The following SMCO4 variants were observed in gnomAD, a reference collection of about 807,000 sequenced individuals.
SMCO4 encodes single-pass membrane protein with coiled-coil domains 4.
In SMCO4, 4 loss-of-function variants were observed where a neutral mutation model predicts 3.6. The observed-to-expected ratio is 1.11, with a 90% CI of 0.54 to 2.53. SMCO4 has a LOEUF of 2.53. Among genes scored for constraint, SMCO4 ranks in the 30% most tolerant of loss-of-function variants. The pLI is 0.02. For synonymous variants in SMCO4, 36 were observed against 35.3 expected (o/e 1.02, Z -0.07); for missense variants, 70 against 80.8 (o/e 0.87, Z 0.51).
intron 1 of SMCO4, among the ~76,000 whole-genome samples, chr11:93,521,066 A>C (rs1039758899): frequency 3.9e-5 from 6 of 152,222 alleles, no homozygotes; most frequent in Non-Finnish European, 8.8e-5. Context: ...CTTTCCTAAG[A>C]AATGTCATTT....
At chr11:93,548,621 C>T in the SMCO4 span, among the ~76,000 whole-genome samples, 1 of 152,164 alleles carries the variant, frequency 6.6e-6, no homozygotes, top group Non-Finnish European at 1.5e-5. Flanking sequence ...GGAGCTGGGC[C>T]TTGGTTCTGT....
chr11:93,548,580 C>G, the SMCO4 span, among the ~76,000 whole-genome samples: 1 of 152,152 alleles, frequency 6.6e-6, no homozygotes, highest in Non-Finnish European at 1.5e-5. Context: ...ACTTCACTGC[C>G]AGAATCACAT....
chr11:93,496,530 T>G (rs1948774472), intron 2 of SMCO4, among the ~76,000 whole-genome samples: 1 of 151,642 alleles, frequency 6.6e-6, no homozygotes, highest in African/African-American at 2.4e-5. Context: ...CCATAAAGGG[T>G]GTAAGAATGC....
chr11:93,530,140 T>C (rs1475350088), intron 1 of SMCO4, among the ~76,000 whole-genome samples: 1 of 152,206 alleles, frequency 6.6e-6, no homozygotes, highest in Non-Finnish European at 1.5e-5. Flanking sequence ...GACCTTGGCA[T>C]TTTCTAAATC....
At chr11:93,479,294 T>G (rs1427619904) in intron 2 of SMCO4, 25 bp from the exon 3 acceptor site, 1 of 1,480,522 alleles carries the variant, frequency 6.8e-7, no homozygotes, top group Non-Finnish European at 9.0e-7. Flanking sequence ...ACTGTGATAG[T>G]AGAGAATAAA....
At chr11:93,481,807 G>T (rs1353026451) in intron 2 of SMCO4, among the ~76,000 whole-genome samples, 1 of 152,214 alleles carries the variant, frequency 6.6e-6, no homozygotes, top group Non-Finnish European at 1.5e-5. Flanking sequence ...GGAGCTAATG[G>T]CCTGTCGGAG....
At chr11:93,533,632 G>A (rs1250644710) in intron 1 of SMCO4, among the ~76,000 whole-genome samples, 1 of 152,080 alleles carries the variant, frequency 6.6e-6, no homozygotes, top group African/African-American at 2.4e-5. Flanking sequence ...AAAGAGAAAA[G>A]GCCTCTGCGT....
At chr11:93,541,001 G>A (rs1004819510) in intron 1 of SMCO4, among the ~76,000 whole-genome samples, 1 of 152,212 alleles carries the variant, frequency 6.6e-6, no homozygotes, top group Non-Finnish European at 1.5e-5. Flanking sequence ...TGACAAAAAA[G>A]GATTACTGAA....
At chr11:93,515,077 T>C (rs1410160655) in intron 1 of SMCO4, among the ~76,000 whole-genome samples, 1 of 152,200 alleles carries the variant, frequency 6.6e-6, no homozygotes, top group African/African-American at 2.4e-5. Flanking sequence ...CTGGAGGCAA[T>C]ACTCTCTGCT....
intron 1 of SMCO4, among the ~76,000 whole-genome samples, chr11:93,532,713 C>T (rs1949174924): frequency 6.6e-6 from 1 of 152,278 alleles, no homozygotes; most frequent in Non-Finnish European, 1.5e-5. Flanking sequence ...GCCAAGAATA[C>T]CAAGGACGGC....
At chr11:93,527,878 T>C (rs1949124409) in intron 1 of SMCO4, among the ~76,000 whole-genome samples, 1 of 152,032 alleles carries the variant, frequency 6.6e-6, no homozygotes, top group Non-Finnish European at 1.5e-5. Flanking sequence ...TGGGTTCAGG[T>C]GATCTTCCCA....
intron 1 of SMCO4, among the ~76,000 whole-genome samples, chr11:93,534,345 T>C (rs77666013): frequency 2.1e-5 from 3 of 140,976 alleles, no homozygotes; most frequent in Non-Finnish European, 4.6e-5. Context: ...TATACACATA[T>C]ATATACACAT....
Position 93,479,085 on chromosome 11 carries a change from C to G in SMCO4, c.105G>C (p.Leu35=). The change falls in exon 3 of 3, where the codon CTG becomes CTC. Residue 35 remains leucine (L), a synonymous_variant. Transcript: ENST00000298966. ...EARQQITTVV[L]PTLAVVVLLI... ...AGAGCACGACCACGGCCAGCGTGGG[C>G]AGCACCACTGTAGTGATCTGCTGCC... The G allele has an allele frequency of 6.2e-7, 1 of 1,614,068 alleles. No homozygotes were observed. Among genetic ancestry groups the G allele is most frequent in the East Asian group, 2.2e-5 (1 of 44,834 alleles).
At chr11:93,544,687 A>G (rs1487999111), upstream of SMCO4, among the ~76,000 whole-genome samples, 1 of 152,014 alleles carries the variant, frequency 6.6e-6, no homozygotes, top group Non-Finnish European at 1.5e-5. Flanking sequence ...TACAAAAGGC[A>G]GCAATGCAGT....
intron 1 of SMCO4, among the ~76,000 whole-genome samples, chr11:93,502,854 A>C (rs1359091415): frequency 2.0e-5 from 3 of 152,254 alleles, no homozygotes; most frequent in Non-Finnish European, 4.4e-5. Flanking sequence ...AAGAATTGTT[A>C]ATAAAAATCA....
chr11:93,494,766 G>A (rs955367205), intron 2 of SMCO4, among the ~76,000 whole-genome samples: 1 of 152,162 alleles, frequency 6.6e-6, no homozygotes, highest in Non-Finnish European at 1.5e-5. Context: ...TTCAGGAGAA[G>A]TCTTAGTACA....
At chr11:93,515,713 G>A (rs1008557330) in intron 1 of SMCO4, among the ~76,000 whole-genome samples, 4 of 152,134 alleles carry the variant, frequency 2.6e-5, no homozygotes, top group South Asian at 4.1e-4. Flanking sequence ...GCAGCTTCAC[G>A]TTCCCATTTC....
At chr11:93,511,428 G>GA (rs1031145579) in intron 1 of SMCO4, among the ~76,000 whole-genome samples, 17 of 149,326 alleles carry the variant, frequency 1.1e-4, no homozygotes, top group Admixed American at 2.7e-4. Flanking sequence ...TTGATAAAAA[G>GA]AAAAAAAAAA....
In SMCO4 at chr11:93,478,713, GCACACACACACACACACACA is replaced by G. The variant is rs58177836; in HGVS notation, c.*277_*296del. 13 of 226,102 alleles carry G rather than the reference GCACACACACACACACACACA, an allele frequency of 5.7e-5. No individual in the cohort carries two copies. In the East Asian group the frequency reaches 5.8e-4, roughly 10 times the overall value. 14.0% of individuals were successfully genotyped at this position (226,102 alleles called of 1,614,324 possible). A position where few individuals can be genotyped will look rare whatever the true frequency, so the allele number is the denominator to read the frequency against. On this transcript the variant is annotated 3_prime_UTR_variant, in exon 3 of 3. Coordinates refer to ENST00000298966, the MANE Select transcript of SMCO4 (RefSeq NM_020179.3). ...ATCGATTTTTAGGAGAGAAAAAGAA[GCACACACACACACACACACA>G]CACACACACACACACACACATGCGC...
Sources: allele counts gnomAD v4.1 joint callset (sites outside exome capture counted in the v4.1 genomes callset), GRCh38; gene constraint gnomAD v4.1.1; transcripts MANE v1.5; gene names NCBI Gene and HGNC (gene_info 2026-07-23, HGNC 2026-07-21).